The following PIAS2 variants were observed in gnomAD, a reference collection of about 807,000 sequenced individuals.
The protein encoded by PIAS2 is protein inhibitor of activated STAT 2, also known as E3 SUMO-protein ligase PIAS2.
A neutral mutation model predicts 69.7 loss-of-function variants in PIAS2; 19 were observed. The ratio of observed to expected loss-of-function variants is 0.27; its 90% CI spans 0.19 to 0.40. The LOEUF (loss-of-function observed/expected upper bound fraction) is 0.40, where lower values mean the gene tolerates loss of function less well. Ranked by LOEUF, PIAS2 falls within the 10% of genes least tolerant of loss-of-function variation. PIAS2 has a pLI of 1.00. For missense variants in PIAS2, 624 were observed against 757.0 expected, an observed-to-expected ratio of 0.82 and a Z score of 2.06; for synonymous variants, 261 against 263.2, an observed-to-expected ratio of 0.99 and a Z score of 0.08.
intron 9 of PIAS2, among the ~76,000 whole-genome samples, chr18:46,833,110 TG>T (rs2043919493): frequency 6.6e-6 from 1 of 152,160 alleles, no homozygotes; most frequent in Non-Finnish European, 1.5e-5. Flanking sequence ...CACAAAGACT[TG>T]GGCATGAATG....
Position 46,904,700 on chromosome 18 carries a change from G to A in PIAS2, c.24+12622C>T, listed in dbSNP as rs967758490. Among the ~76,000 whole-genome samples the A allele has an allele frequency of 4.0e-5, 6 of 150,604 alleles. No homozygotes were observed. The East Asian group carries it at 5.8e-4, about 15-fold the overall frequency. On this transcript the variant is annotated intron_variant, in intron 1 of 13. Transcript: ENST00000585916. ...CACGAGGTGGAGGTTGCAGTGAGCCGAGATCGCGCCACTGCCCTCCAGCCT... is the reference window on the plus strand; with the variant it reads ...CACGAGGTGGAGGTTGCAGTGAGCCAAGATCGCGCCACTGCCCTCCAGCCT...
rs1599205914 is a variant in PIAS2, at chr18:46,807,374, TA to T, written c.*5058del. On this transcript the variant is annotated 3_prime_UTR_variant, in exon 14 of 14. Coordinates refer to ENST00000585916, the MANE Select transcript of PIAS2 (RefSeq NM_004671.5). ...CAGATTTTATATATATATATATATA[TA>T]TATATATATTTTTTTTTTTTTTTTT... is the stretch of plus-strand genomic sequence containing the variant. 6.3e-3 allele frequency: 193 copies of T among 30,698 alleles called. 3 individuals carry two copies. The highest frequency in any genetic ancestry group is 0.03 in the African/African-American group (144 of 4,786). The allele number at this position is 30,698 out of a possible 1,614,324, so 1.9% of individuals were successfully genotyped here.
intron 11 of PIAS2, 147 bp from the exon 12 acceptor site, chr18:46,821,219 ACT>A (rs918374588): frequency 7.2e-6 from 5 of 690,652 alleles, no homozygotes; most frequent in African/African-American, 3.6e-5. Context: ...ACTCCACTCT[ACT>A]CTCCTCTCCC....
chr18:46,917,642 G>A (rs1257546124), upstream of PIAS2: 7 of 799,928 alleles, frequency 8.8e-6, no homozygotes, highest in East Asian at 1.2e-4. Context: ...CTGCCCCGGC[G>A]TGCTGCCCCG....
chr18:46,871,277 A>G (rs2050320434), intron 2 of PIAS2, among the ~76,000 whole-genome samples: 1 of 152,220 alleles, frequency 6.6e-6, no homozygotes, highest in Admixed American at 6.5e-5. Flanking sequence ...ACCTTCCAAC[A>G]GGGGTTCCAA....
chr18:46,826,662 AG>A (rs1362254759), intron 11 of PIAS2: 1 of 152,200 alleles, frequency 6.6e-6, no homozygotes, highest in African/African-American at 2.4e-5. Flanking sequence ...TTTGTCTCAA[AG>A]GAGCAATAAA....
At chr18:46,813,067 T>C (rs1016862712) in intron 13 of PIAS2, among the ~76,000 whole-genome samples, 1 of 152,164 alleles carries the variant, frequency 6.6e-6, no homozygotes. Context: ...ATCAAACAGA[T>C]CCTTTATGAA....
chr18:46,838,065 A>G (rs973749463), intron 8 of PIAS2, among the ~76,000 whole-genome samples: 2 of 152,208 alleles, frequency 1.3e-5, no homozygotes, highest in African/African-American at 4.8e-5. Flanking sequence ...CAAAATTAAA[A>G]CATTCTTAGC....
chr18:46,825,449 T>C (rs1189901325), intron 11 of PIAS2, among the ~76,000 whole-genome samples: 3 of 152,192 alleles, frequency 2.0e-5, no homozygotes, highest in Non-Finnish European at 4.4e-5. Context: ...CAGCTAGTCA[T>C]TGTCTCCCTT....
intron 2 of PIAS2, among the ~76,000 whole-genome samples, chr18:46,870,477 G>A (rs1347230792): frequency 1.3e-5 from 2 of 151,976 alleles, no homozygotes; most frequent in South Asian, 2.1e-4. Flanking sequence ...TTAGCCAGAC[G>A]TGGTGACGGG....
chr18:46,823,109 C>T (rs1001237604), intron 11 of PIAS2, among the ~76,000 whole-genome samples: 14 of 149,584 alleles, frequency 9.4e-5, no homozygotes, highest in Admixed American at 6.6e-4. Context: ...CTGAAGTATG[C>T]CTAAGGTCCT....
rs576093857 is a variant in PIAS2 at position 46,807,981 on chromosome 18, T to C, written c.*4452A>G. On this transcript the variant is annotated 3_prime_UTR_variant, in exon 14 of 14. Coordinates refer to ENST00000585916, the MANE Select transcript of PIAS2 (RefSeq NM_004671.5). Reference sequence around the variant, plus strand: ...TAGAAATTCCACCTCCAGTATTTTATCCTAAGAAAATAATTTATACACAAA... The same window carrying C: ...TAGAAATTCCACCTCCAGTATTTTACCCTAAGAAAATAATTTATACACAAA... The C allele has an allele frequency of 2.0e-5, 3 of 152,306 alleles. No homozygotes were observed. The highest frequency in any genetic ancestry group is 2.9e-5 in the Non-Finnish European group (2 of 68,030). 9.4% of individuals were successfully genotyped at this position (152,306 alleles called of 1,614,324 possible).
intron 1 of PIAS2, among the ~76,000 whole-genome samples, chr18:46,910,779 C>T (rs1240596865): frequency 6.6e-6 from 1 of 152,122 alleles, no homozygotes; most frequent in Non-Finnish European, 1.5e-5. Context: ...GATTAGCACA[C>T]CAAGTATTTT....
rs745314518 is a variant in PIAS2 at position 46,844,745 on chromosome 18, G to C, written c.956C>G (p.Ser319Cys). ...TAAACATTACTTACTTAGTGCTCTG[G>C]AATGATCAGGGTTTCTAATACCTTT... Reference protein sequence around the residue: ...KMKGIRNPDHSRALIKEKLTA... With the variant: ...KMKGIRNPDHCRALIKEKLTA... The change falls in exon 7 of 14, where the codon TCC becomes TGC. Residue 319 changes from serine to cysteine, a missense_variant. This residue lies in a region of PIAS2 where 339 missense variants were observed against 408.8 expected (regional missense o/e 0.83). Coordinates refer to ENST00000585916, the MANE Select transcript of PIAS2 (RefSeq NM_004671.5). 2 of 1,382,762 alleles carry C rather than the reference G, an allele frequency of 1.4e-6. No individual in the cohort carries two copies. The highest frequency in any genetic ancestry group is 1.9e-6 in the Non-Finnish European group (2 of 1,037,634). 85.7% of individuals were successfully genotyped at this position (1,382,762 alleles called of 1,614,324 possible).
In PIAS2 at chr18:46,872,804, G is replaced by C. The variant is rs530523728; in HGVS notation, c.500-8556C>G. The stretch of plus-strand genomic sequence containing the variant: ...ACTATGGATTGATTAATATGCCCTA[G>C]AGATGAAACCCTTATACCTGAAGCT... On this transcript the variant is annotated intron_variant, in intron 2 of 13. Transcript: ENST00000585916. 4.6e-4 allele frequency among the ~76,000 whole-genome samples: 70 copies of C among 152,290 alleles called. 2 individuals carry two copies. In the East Asian group the frequency reaches 0.013, roughly 29 times the overall value.
intron 8 of PIAS2, among the ~76,000 whole-genome samples, chr18:46,838,051 A>T (rs1468913197): frequency 6.6e-6 from 1 of 152,236 alleles, no homozygotes; most frequent in Non-Finnish European, 1.5e-5. Context: ...GAAAGAATTC[A>T]TGGCAAAATT....
intron 12 of PIAS2, among the ~76,000 whole-genome samples, chr18:46,818,648 A>G (rs1329805075): frequency 6.6e-6 from 1 of 152,044 alleles, no homozygotes; most frequent in African/African-American, 2.4e-5. Flanking sequence ...ACTAATCACA[A>G]AAGAGCACAT....
intron 1 of PIAS2, among the ~76,000 whole-genome samples, chr18:46,895,854 C>G (rs1423829596): frequency 6.6e-6 from 1 of 152,132 alleles, no homozygotes; most frequent in Non-Finnish European, 1.5e-5. Flanking sequence ...AGTTCCTGGT[C>G]CTGTATTCCT....
In PIAS2 at chr18:46,890,723, C is replaced by A. The variant is rs2053947753; in HGVS notation, c.356G>T (p.Gly119Val). 6.2e-7 allele frequency: 1 copy of A among 1,613,960 alleles called. No homozygotes were observed. Among genetic ancestry groups the A allele is most frequent in the South Asian group, 1.1e-5 (1 of 91,072 alleles). The change falls in exon 2 of 14, where the codon GGT (glycine) becomes GTT (valine). Residue 119 changes from glycine to valine, a missense_variant. By Grantham distance (109) the Gly-to-Val change is moderately radical. This residue lies in a region of PIAS2 where 339 missense variants were observed against 408.8 expected (regional missense o/e 0.83). Coordinates refer to ENST00000585916, the MANE Select transcript of PIAS2 (RefSeq NM_004671.5). ...CTTAGTATCTTGAAGCAGCACAGAA[C>A]CAACAGGAGAGGATGGTGAGTGAGG... ...VTPHSPSSPV[G>V]SVLLQDTKPT... is the part of the protein sequence containing the mutation.
Sources: allele counts gnomAD v4.1 joint callset (sites outside exome capture counted in the v4.1 genomes callset), GRCh38; gene constraint gnomAD v4.1.1; regional missense constraint gnomAD v4.1.1; transcripts MANE v1.5; gene names NCBI Gene and HGNC (gene_info 2026-07-23, HGNC 2026-07-21).